Variants in EPS8L2 observed in about 807,000 individuals in gnomAD.
EPS8L2 encodes epidermal growth factor receptor kinase substrate 8-like protein 2.
In EPS8L2, 81 loss-of-function variants were observed where a neutral mutation model predicts 99.4. That is an observed-to-expected ratio of 0.82 (90% CI 0.68 to 0.98). The LOEUF is 0.98. Ranked by LOEUF, EPS8L2 falls within the 50% of genes least tolerant of loss-of-function variation. EPS8L2 has a pLI of 0.00. For synonymous variants in EPS8L2, 509 were observed against 407.3 expected, an observed-to-expected ratio of 1.25 and a Z score of -3.01; for missense variants, 1,155 against 968.8, an observed-to-expected ratio of 1.19 and a Z score of -2.55.
In EPS8L2 at chr11:727,118, C is replaced by G. The variant is rs557750523; in HGVS notation, c.*137C>G. The G allele has an allele frequency of 6.6e-5, 44 of 661,804 alleles. No individual in the cohort carries two copies. In the African/African-American group the frequency reaches 7.3e-4, roughly 11 times the overall value. The allele number at this position is 661,804 out of a possible 1,614,324, so 41.0% of individuals were successfully genotyped here. On this transcript the variant is annotated 3_prime_UTR_variant, in exon 21 of 21. Coordinates refer to ENST00000318562, the MANE Select transcript of EPS8L2 (RefSeq NM_022772.4). ...GCTGGCTAGAGGTCCCTGCCCCTGT[C>G]TGGAGGCACAACGCCCATCCTTAGG...
At chr11:714,615 T>TTTA (rs1262137989) in intron 4 of EPS8L2, among the ~76,000 whole-genome samples, 23 of 149,346 alleles carry the variant, frequency 1.5e-4, no homozygotes, top group African/African-American at 5.3e-4. Flanking sequence ...TTTATTTTAT[T>TTTA]TTATTTATTT....
chr11:724,483 A>C lies in EPS8L2; in HGVS notation c.1455-241A>C. The C allele has an allele frequency of 1.8e-6, 1 of 544,196 alleles. No individual in the cohort carries two copies. Among genetic ancestry groups the C allele is most frequent in the East Asian group, 3.2e-5 (1 of 31,410 alleles). The allele number at this position is 544,196 out of a possible 1,614,324, so 33.7% of individuals were successfully genotyped here. A position where few individuals can be genotyped will look rare whatever the true frequency, so the allele number is the denominator to read the frequency against. Reference sequence around the variant, plus strand: ...GGATGGGCCAGCCTTGCTGTACCACAGGCCCCTGCGCCACGCCCACCTCCT... The same window carrying C: ...GGATGGGCCAGCCTTGCTGTACCACCGGCCCCTGCGCCACGCCCACCTCCT... On this transcript the variant is annotated intron_variant, in intron 15 of 20. Coordinates refer to ENST00000318562, the MANE Select transcript of EPS8L2 (RefSeq NM_022772.4). The surrounding 1 kb of genome is among the most constrained non-coding windows in gnomAD (Gnocchi z 5.5).
chr11:720,597 G>A lies in EPS8L2; in HGVS notation c.328G>A (p.Glu110Lys). 6.3e-7 allele frequency: 1 copy of A among 1,599,348 alleles called. No individual in the cohort carries two copies. The highest frequency in any genetic ancestry group is 8.5e-7 in the Non-Finnish European group (1 of 1,174,778). ...SLRLLDIESQ[E>K]ELEDFPLPTV... ...TCGTGTCCGCGCGATGTACCCGCAG[G>A]AGGAGCTGGAAGACTTCCCGCTGCC... The change falls in exon 6 of 21, where the codon GAG (glutamate) becomes AAG (lysine). Residue 110 changes from glutamate (E) to lysine (K), a missense_variant and splice_region_variant. Glu to Lys is a moderately conservative substitution (Grantham distance 56, BLOSUM62 1). Coordinates refer to ENST00000318562, the MANE Select transcript of EPS8L2 (RefSeq NM_022772.4).
At chr11:708,219 G>A (rs1415623639) in intron 1 of EPS8L2, among the ~76,000 whole-genome samples, 2 of 152,208 alleles carry the variant, frequency 1.3e-5, no homozygotes, top group African/African-American at 4.8e-5. Context: ...GGACCTGTGG[G>A]GAGCTGATCA....
At chr11:725,313 C>G (rs993595007) in intron 16 of EPS8L2, among the ~76,000 whole-genome samples, 2 of 152,220 alleles carry the variant, frequency 1.3e-5, no homozygotes, top group Admixed American at 1.3e-4. Context: ...GAGTTCGAGA[C>G]AAGCCTGGGC....
chr11:721,068 C>T lies in EPS8L2; in HGVS notation c.562C>T (p.His188Tyr), dbSNP rs1191299291. 6.9e-7 allele frequency: 1 copy of T among 1,445,484 alleles called. No homozygotes were observed. 89.5% of individuals were successfully genotyped at this position (1,445,484 alleles called of 1,614,324 possible). The change falls in exon 8 of 21, where the codon CAC becomes TAC. Residue 188 changes from histidine (H) to tyrosine (Y), a missense_variant. Physicochemically the swap from His to Tyr is moderately conservative, Grantham distance 83. Coordinates refer to ENST00000318562, the MANE Select transcript of EPS8L2 (RefSeq NM_022772.4). ...CAGGACCCCCTCGCCCTCCAGGGGA[C>T]ACCAGGAGAAGATTCGGCAGCGGCA... is the stretch of plus-strand genomic sequence containing the variant. ...KKMRPQTLKG[H>Y]QEKIRQRQSI...
chr11:715,626 T>G (rs113868339), intron 4 of EPS8L2, among the ~76,000 whole-genome samples: 7,299 of 144,728 alleles, frequency 0.05, 237 homozygotes, highest in East Asian at 0.09. Flanking sequence ...TTGTTTTTTT[T>G]TTTTTTTTTT....
chr11:714,044 T>G (rs1461454226), intron 4 of EPS8L2, among the ~76,000 whole-genome samples: 3 of 152,134 alleles, frequency 2.0e-5, no homozygotes, highest in Non-Finnish European at 2.9e-5. Context: ...ATCATTGTGG[T>G]TTGATAAGTG....
At chr11:725,993 C>CG in intron 17 of EPS8L2, 105 bp from the exon 18 acceptor site, 1 of 1,319,532 alleles carries the variant, frequency 7.6e-7, no homozygotes, top group South Asian at 1.4e-5. Flanking sequence ...AGGGCTGGTC[C>CG]GCAGGCCGGG....
intron 4 of EPS8L2, among the ~76,000 whole-genome samples, chr11:711,269 CGTGTGTGTGT>C (rs201018308): frequency 1.7e-5 from 2 of 117,276 alleles, no homozygotes; most frequent in African/African-American, 5.9e-5. Context: ...TGCGTGCGTG[CGTGTGTGTGT>C]GTGTGTGTGT....
Position 726,094 on chromosome 11 carries a change from G to T in EPS8L2, c.1681-4G>T. 4 of 1,571,884 alleles carry T rather than the reference G, an allele frequency of 2.5e-6. No individual in the cohort carries two copies. The highest frequency in any genetic ancestry group is 2.6e-6 in the Non-Finnish European group (3 of 1,152,558). ...GGGAGCCTAATCGCCCCCCGCCCCC[G>T]CAGGCCGGTCAGAAGTACTGGGGCC... On this transcript the variant is annotated splice_polypyrimidine_tract_variant and splice_region_variant and intron_variant, in intron 17 of 20. Coordinates refer to ENST00000318562, the MANE Select transcript of EPS8L2 (RefSeq NM_022772.4).
At chr11:721,541 A>T (rs530767312) in intron 9 of EPS8L2, 24 bp from the exon 10 acceptor site, 2 of 1,528,660 alleles carry the variant, frequency 1.3e-6, no homozygotes, top group Admixed American at 4.5e-5. Context: ...TCAGGGGCTG[A>T]CCCCTGACCC....
At chr11:726,233 G>C (rs1016949585) in intron 18 of EPS8L2, 63 bp downstream of exon 18, 3 of 1,561,048 alleles carry the variant, frequency 1.9e-6, no homozygotes, top group African/African-American at 2.7e-5. Flanking sequence ...AGGAAGTGTG[G>C]GGGGGGTCCC....
In EPS8L2 at chr11:720,495, G is replaced by A. The variant is rs1305826707; in HGVS notation, c.328-102G>A. 5.9e-6 allele frequency: 9 copies of A among 1,520,500 alleles called. No individual in the cohort carries two copies. The South Asian group carries it at 6.0e-5, about 10-fold the overall frequency. The allele number at this position is 1,520,500 out of a possible 1,614,324, so 94.2% of individuals were successfully genotyped here. ...CTTTGGGAGCCCATTCCCCAGCGGC[G>A]CCAGAGGGGCCTGTGCTCCAGGCTT... On this transcript the variant is annotated intron_variant, in intron 5 of 20. Transcript: ENST00000318562.
In EPS8L2 at chr11:720,854, G is replaced by A; in HGVS notation, c.502G>A (p.Glu168Lys). 1.3e-6 allele frequency: 2 copies of A among 1,536,512 alleles called. No homozygotes were observed. Among genetic ancestry groups the A allele is most frequent in the African/African-American group, 1.4e-5 (1 of 72,698 alleles). ...GGCAGAGCTGGTGCACGAGGACATCGAGAGCGCGTTGGCCGACTGCCGGCT... is the reference window on the plus strand; with the variant it reads ...GGCAGAGCTGGTGCACGAGGACATCAAGAGCGCGTTGGCCGACTGCCGGCT... ...VEAELVHEDI[E>K]SALADCRLGK... The change falls in exon 7 of 21, where the codon GAG becomes AAG. Residue 168 changes from glutamate (E) to lysine (K), a missense_variant. Glu to Lys is a moderately conservative substitution (Grantham distance 56). Transcript: ENST00000318562.
chr11:710,536 A>AT, intron 4 of EPS8L2, 50 bp downstream of exon 4: 1 of 1,512,062 alleles, frequency 6.6e-7, no homozygotes, highest in Non-Finnish European at 9.2e-7. Flanking sequence ...CACCCTCAGG[A>AT]CATGGCTGTC....
intron 4 of EPS8L2, 129 bp from the exon 5 acceptor site, chr11:719,933 C>T (rs914516965): frequency 1.5e-5 from 12 of 804,516 alleles, no homozygotes; most frequent in South Asian, 3.7e-5. Flanking sequence ...AAGGCGGGGC[C>T]GGTCCCCGTT....
At chr11:713,442 C>T (rs1281102714) in intron 4 of EPS8L2, among the ~76,000 whole-genome samples, 5 of 152,208 alleles carry the variant, frequency 3.3e-5, no homozygotes, top group Non-Finnish European at 7.3e-5. Flanking sequence ...AGTGCAATGG[C>T]GCGATCTCAG....
chr11:726,395 G>A lies in EPS8L2; in HGVS notation c.1845G>A (p.Glu615=), dbSNP rs1466155395. The stretch of plus-strand genomic sequence containing the variant: ...AGCCACAGAGGCACTTCCGCGTGGA[G>A]CGCAGCCAGCCCGTGAGCCAGCCGC... The part of the protein sequence containing the change: ...RAQPQRHFRV[E]RSQPVSQPLT... Residue 615 remains glutamate (E), a synonymous_variant, in exon 19 of 21, where the codon GAG becomes GAA. Coordinates refer to ENST00000318562, the MANE Select transcript of EPS8L2 (RefSeq NM_022772.4). 14 of 1,608,436 alleles carry A rather than the reference G, an allele frequency of 8.7e-6. No individual in the cohort carries two copies. The highest frequency in any genetic ancestry group is 5.0e-5 in the Admixed American group (3 of 59,504).
Sources: allele counts gnomAD v4.1 joint callset (sites outside exome capture counted in the v4.1 genomes callset), GRCh38; gene constraint gnomAD v4.1.1; non-coding constraint Gnocchi (gnomAD v3.1); transcripts MANE v1.5; gene names NCBI Gene and HGNC (gene_info 2026-07-23, HGNC 2026-07-21).